The following DLG2 variants were observed in gnomAD, a reference collection of about 807,000 sequenced individuals.
DLG2 encodes the protein disks large homolog 2.
A neutral mutation model predicts 132.5 loss-of-function variants in DLG2; 45 were observed. The observed-to-expected ratio is 0.34, with a 90% CI of 0.27 to 0.44. The LOEUF is 0.44. Among genes scored for constraint, DLG2 ranks in the 20% least tolerant of loss-of-function variants. DLG2 has a pLI of 1.00. For synonymous variants in DLG2, 424 were observed against 419.6 expected, an observed-to-expected ratio of 1.01 and a Z score of -0.13; for missense variants, 1,045 against 1,196.9, an observed-to-expected ratio of 0.87 and a Z score of 1.87.
At chr11:83,536,516 T>C (rs889676324) in intron 20 of DLG2, among the ~76,000 whole-genome samples, 11 of 151,972 alleles carry the variant, frequency 7.2e-5, no homozygotes, top group Admixed American at 6.6e-4. Flanking sequence ...AATGATTTAC[T>C]GTTGAAATGA....
chr11:85,460,994 T>G (rs2092591240), intron 3 of DLG2, among the ~76,000 whole-genome samples: 1 of 151,774 alleles, frequency 6.6e-6, no homozygotes, highest in African/African-American at 2.4e-5. Flanking sequence ...TGGCCTTCAT[T>G]AGAAAATGAA....
chr11:84,163,214 T>C lies in DLG2; in HGVS notation c.624+247A>G, dbSNP rs2095587141. Reference sequence around the variant, plus strand: ...AAGTGCTGTACAAGCTCATCAAACATTTCTCTTTTCCATTCATTTCTCCAA... The same window carrying C: ...AAGTGCTGTACAAGCTCATCAAACACTTCTCTTTTCCATTCATTTCTCCAA... On this transcript the variant is annotated intron_variant, in intron 9 of 27. Transcript: ENST00000376104. Among the ~76,000 whole-genome samples the C allele has an allele frequency of 3.3e-5, 5 of 151,746 alleles. No individual in the cohort carries two copies. The South Asian group carries it at 6.2e-4, about 19-fold the overall frequency.
At chr11:85,263,366 T>C (rs1392235870) in intron 4 of DLG2, among the ~76,000 whole-genome samples, 2 of 152,248 alleles carry the variant, frequency 1.3e-5, no homozygotes, top group East Asian at 3.9e-4. Context: ...GGGGTCTGAG[T>C]TCCCCCAAAA....
chr11:85,572,214 T>C (rs1460105572), intron 3 of DLG2, among the ~76,000 whole-genome samples: 4 of 152,152 alleles, frequency 2.6e-5, no homozygotes, highest in African/African-American at 7.2e-5. Flanking sequence ...TTTCCAGCTG[T>C]AGGTTTTCAT....
intron 6 of DLG2, among the ~76,000 whole-genome samples, chr11:84,819,124 A>G (rs2077405675): frequency 8.6e-6 from 1 of 115,976 alleles, no homozygotes; most frequent in Non-Finnish European, 2.0e-5. Flanking sequence ...TTTGATGCTT[A>G]CAACAATCTA....
intron 8 of DLG2, among the ~76,000 whole-genome samples, chr11:84,244,447 A>G (rs1488169893): frequency 2.6e-5 from 4 of 152,156 alleles, no homozygotes; most frequent in African/African-American, 9.7e-5. Flanking sequence ...CGGCCTCCCA[A>G]AGTGCTGGGA....
intron 5 of DLG2, among the ~76,000 whole-genome samples, chr11:85,122,897 T>C (rs1433197384): frequency 1.4e-5 from 2 of 143,480 alleles, no homozygotes; most frequent in East Asian, 2.0e-4. Context: ...TATACACATA[T>C]ACACACACAT....
chr11:85,273,430 A>T (rs574466811), intron 4 of DLG2, among the ~76,000 whole-genome samples: 10 of 152,328 alleles, frequency 6.6e-5, no homozygotes, highest in African/African-American at 1.9e-4. Context: ...CAACCCCATC[A>T]AAAAGTGGGC....
chr11:85,503,441 C>A (rs144259926), intron 3 of DLG2, among the ~76,000 whole-genome samples: 215 of 152,182 alleles, frequency 1.4e-3, no homozygotes, highest in African/African-American at 4.9e-3. Context: ...AACCTATTCA[C>A]AAAGTATCCA....
intron 8 of DLG2, among the ~76,000 whole-genome samples, chr11:84,238,663 T>C (rs1044139326): frequency 1.3e-5 from 2 of 149,484 alleles, no homozygotes; most frequent in Non-Finnish European, 3.0e-5. Flanking sequence ...GGAAATAGAG[T>C]TTTTAGCTCA....
chr11:85,036,878 C>T (rs1375690983), intron 6 of DLG2, among the ~76,000 whole-genome samples: 1 of 152,112 alleles, frequency 6.6e-6, no homozygotes, highest in East Asian at 1.9e-4. Flanking sequence ...GGAGGGAGTG[C>T]TGATCAGTTA....
chr11:85,595,384 C>A (rs546296655), intron 3 of DLG2, among the ~76,000 whole-genome samples: 1 of 152,082 alleles, frequency 6.6e-6, no homozygotes, highest in South Asian at 2.1e-4. Flanking sequence ...AATTCCAATT[C>A]TCTTATATTC....
At chr11:84,907,285 A>G (rs2091620982) in intron 6 of DLG2, among the ~76,000 whole-genome samples, 1 of 152,218 alleles carries the variant, frequency 6.6e-6, no homozygotes, top group Non-Finnish European at 1.5e-5. Flanking sequence ...AAAACATGAC[A>G]GCATTTTCCA....
intron 3 of DLG2, among the ~76,000 whole-genome samples, chr11:85,367,849 T>C (rs1239752965): frequency 6.6e-6 from 1 of 152,180 alleles, no homozygotes; most frequent in Non-Finnish European, 1.5e-5. Context: ...GATTTTCTCA[T>C]AGTAATTTCC....
intron 6 of DLG2, among the ~76,000 whole-genome samples, chr11:85,094,963 G>A (rs1281784875): frequency 1.3e-5 from 2 of 152,126 alleles, no homozygotes; most frequent in African/African-American, 4.8e-5. Flanking sequence ...ACACTTAGAG[G>A]CCATTGTAAG....
chr11:84,906,963 T>A (rs2091585932), intron 6 of DLG2, among the ~76,000 whole-genome samples: 1 of 152,158 alleles, frequency 6.6e-6, no homozygotes, highest in Non-Finnish European at 1.5e-5. Context: ...CATTTCTAAA[T>A]CCCACCTTGA....
chr11:84,976,672 G>A lies in DLG2; in HGVS notation c.357+134989C>T, dbSNP rs187641210. 2.0e-3 allele frequency among the ~76,000 whole-genome samples: 309 copies of A among 152,096 alleles called. 4 individuals carry two copies. Among genetic ancestry groups the A allele is most frequent in the East Asian group, 2.9e-3 (15 of 5,186 alleles). On this transcript the variant is annotated intron_variant, in intron 6 of 27. Coordinates refer to ENST00000376104, the MANE Select transcript of DLG2 (RefSeq NM_001142699.3). ...CCTTTACAATAAAAATACACTATAG[G>A]AAATATGCTGGTATGTTGCCAGCTG...
intron 21 of DLG2, among the ~76,000 whole-genome samples, chr11:83,502,256 G>A (rs944309880): frequency 2.0e-5 from 3 of 152,086 alleles, no homozygotes; most frequent in African/African-American, 7.2e-5. Context: ...ACACAACTAG[G>A]AGTCACAAGC....
At chr11:83,731,296 G>A (rs1206234696) in intron 18 of DLG2, among the ~76,000 whole-genome samples, 4 of 151,984 alleles carry the variant, frequency 2.6e-5, no homozygotes, top group Admixed American at 2.6e-4. Flanking sequence ...TCTCCCCCCA[G>A]CCCCTGACTG....
Sources: allele counts gnomAD v4.1 joint callset (sites outside exome capture counted in the v4.1 genomes callset), GRCh38; gene constraint gnomAD v4.1.1; transcripts MANE v1.5; gene names NCBI Gene and HGNC (gene_info 2026-07-23, HGNC 2026-07-21).